The following DIP2C variants were observed in gnomAD, a reference collection of about 807,000 sequenced individuals.
DIP2C encodes DIP2 acetate--CoA ligase C (putative), also known as disco-interacting protein 2 homolog C.
In DIP2C, 33 loss-of-function variants were observed where a neutral mutation model predicts 192.4. That is an observed-to-expected ratio of 0.17 (90% confidence interval 0.13 to 0.23). The LOEUF is 0.23. Ranked by LOEUF, DIP2C falls within the 10% of genes least tolerant of loss-of-function variation. The probability of loss-of-function intolerance (pLI) is 1.00; values close to 1 mark genes in which losing one functional copy is unlikely to be tolerated. For missense variants in DIP2C, 1,537 were observed against 2,110.1 expected, an observed-to-expected ratio of 0.73 and a Z score of 5.32; for synonymous variants, 979 against 864.1, an observed-to-expected ratio of 1.13 and a Z score of -2.33.
At chr10:337,896 G>A (rs1331939117) in intron 29 of DIP2C, among the ~76,000 whole-genome samples, 1 of 151,278 alleles carries the variant, frequency 6.6e-6, no homozygotes, top group Non-Finnish European at 1.5e-5. Context: ...GAAGCTGTGT[G>A]TGTGTGTTGT....
intron 4 of DIP2C, among the ~76,000 whole-genome samples, chr10:439,583 C>G (rs1967563725): frequency 6.6e-6 from 1 of 152,166 alleles, no homozygotes; most frequent in Non-Finnish European, 1.5e-5. Context: ...GCAATCATGA[C>G]ACTGAATTCT....
chr10:457,578 C>G (rs1375489381), intron 3 of DIP2C, among the ~76,000 whole-genome samples: 1 of 152,136 alleles, frequency 6.6e-6, no homozygotes, highest in Admixed American at 6.5e-5. Flanking sequence ...TTTTTAGAGG[C>G]AGGGTCTCAC....
intron 1 of DIP2C, among the ~76,000 whole-genome samples, chr10:629,521 A>G (rs1055563607): frequency 6.6e-6 from 1 of 152,196 alleles, no homozygotes; most frequent in Non-Finnish European, 1.5e-5. Flanking sequence ...GCTTTAACCC[A>G]CACTGGGGGA....
chr10:388,811 A>C (rs1474456544), intron 13 of DIP2C, among the ~76,000 whole-genome samples: 2 of 152,242 alleles, frequency 1.3e-5, no homozygotes, highest in Non-Finnish European at 2.9e-5. Flanking sequence ...GTGAAGTTCC[A>C]GAAAGAGACG....
chr10:547,462 G>A (rs1016259130), intron 1 of DIP2C, among the ~76,000 whole-genome samples: 8 of 152,100 alleles, frequency 5.3e-5, no homozygotes, highest in South Asian at 2.1e-4. Flanking sequence ...GGTTGACAGC[G>A]AAGTACCCAG....
chr10:485,834 G>A (rs565167765), intron 2 of DIP2C, among the ~76,000 whole-genome samples: 1 of 152,184 alleles, frequency 6.6e-6, no homozygotes. Flanking sequence ...TCGCTCTTGG[G>A]CTGAATTGAG....
rs180799054 is a variant in DIP2C at position 395,369 on chromosome 10, C to T, written c.1260+3740G>A. On this transcript the variant is annotated intron_variant, in intron 10 of 36. Coordinates refer to ENST00000280886, the MANE Select transcript of DIP2C (RefSeq NM_014974.3). The stretch of plus-strand genomic sequence containing the variant: ...AATCAGTTTGATAAACATTCCACGT[C>T]GTATGCATATATCAGAACATCACAC... 1.9e-4 allele frequency among the ~76,000 whole-genome samples: 29 copies of T among 152,078 alleles called. No homozygotes were observed. The East Asian group carries it at 5.0e-3, about 26-fold the overall frequency.
chr10:576,979 T>G (rs1850202127), intron 1 of DIP2C, among the ~76,000 whole-genome samples: 1 of 152,220 alleles, frequency 6.6e-6, no homozygotes, highest in Non-Finnish European at 1.5e-5. Flanking sequence ...TTCCATTTAC[T>G]TAAAATATAA....
At chr10:573,249 A>C (rs189166822) in intron 1 of DIP2C, among the ~76,000 whole-genome samples, 82 of 152,328 alleles carry the variant, frequency 5.4e-4, no homozygotes, top group African/African-American at 1.9e-3. Flanking sequence ...GATCAAGAGA[A>C]GCCTACTTGT....
At chr10:486,780 G>T (rs958005925) in intron 1 of DIP2C, among the ~76,000 whole-genome samples, 1 of 152,114 alleles carries the variant, frequency 6.6e-6, no homozygotes, top group African/African-American at 2.4e-5. Flanking sequence ...GTATTTATCC[G>T]GATGGGGTCC....
rs553111076 is a variant in DIP2C at position 633,573 on chromosome 10, G to A, written c.85+55921C>T. ...GCCCATCCTGAGCCAGGGGGCCCTC[G>A]CGTCACCCAAGGCCACTGCAGCACC... is the stretch of plus-strand genomic sequence containing the variant. On this transcript the variant is annotated intron_variant, in intron 1 of 36. Transcript: ENST00000280886. Among the ~76,000 whole-genome samples, 21 of 152,308 alleles carry A rather than the reference G, an allele frequency of 1.4e-4. No homozygotes were observed. The South Asian group carries it at 3.9e-3, about 29-fold the overall frequency.
chr10:466,769 A>C (rs1970233291), intron 3 of DIP2C, among the ~76,000 whole-genome samples: 2 of 150,904 alleles, frequency 1.3e-5, no homozygotes, highest in Non-Finnish European at 3.0e-5. Context: ...GCAGCCAAAA[A>C]ACACATGAAA....
chr10:452,299 A>G (rs1029685980), intron 3 of DIP2C, among the ~76,000 whole-genome samples: 1 of 152,226 alleles, frequency 6.6e-6, no homozygotes, highest in Non-Finnish European at 1.5e-5. Context: ...GAACAATGTT[A>G]AGGCAAATAA....
intron 3 of DIP2C, among the ~76,000 whole-genome samples, chr10:469,756 T>C (rs1970481650): frequency 6.6e-6 from 1 of 152,186 alleles, no homozygotes; most frequent in South Asian, 2.1e-4. Context: ...TCACCTAAAA[T>C]ATTCTAGTGG....
chr10:465,623 G>C (rs1178995959), intron 3 of DIP2C, among the ~76,000 whole-genome samples: 1 of 152,070 alleles, frequency 6.6e-6, no homozygotes, highest in East Asian at 1.9e-4. Context: ...CAACATGATT[G>C]TTTATCTAGA....
intron 34 of DIP2C, among the ~76,000 whole-genome samples, chr10:284,226 G>A (rs189794787): frequency 1.3e-5 from 2 of 152,310 alleles, no homozygotes; most frequent in African/African-American, 2.4e-5. Flanking sequence ...CAGGAAGTCA[G>A]AAACTGGTTT....
intron 1 of DIP2C, among the ~76,000 whole-genome samples, chr10:536,855 AC>A (rs113325459): frequency 1.3e-5 from 2 of 151,840 alleles, no homozygotes; most frequent in Admixed American, 6.6e-5. Context: ...CATCTTCTTG[AC>A]CCCCCAGTTC....
intron 1 of DIP2C, among the ~76,000 whole-genome samples, chr10:568,266 C>CCA (rs1415416877): frequency 6.6e-6 from 1 of 152,160 alleles, no homozygotes; most frequent in African/African-American, 2.4e-5. Flanking sequence ...GGGATGGAAG[C>CCA]CACACAGGAC....
intron 36 of DIP2C, among the ~76,000 whole-genome samples, chr10:278,250 G>A (rs537133856): frequency 5.9e-5 from 9 of 152,230 alleles, no homozygotes; most frequent in African/African-American, 2.2e-4. Flanking sequence ...GCTGAGGGCC[G>A]TGCGTGCGGA....
Sources: allele counts gnomAD v4.1 joint callset (sites outside exome capture counted in the v4.1 genomes callset), GRCh38; gene constraint gnomAD v4.1.1; transcripts MANE v1.5; gene names NCBI Gene and HGNC (gene_info 2026-07-23, HGNC 2026-07-21).